THSD7A: variants seen among roughly 807,000 people sequenced by gnomAD.
The protein encoded by THSD7A is thrombospondin type-1 domain-containing protein 7A.
A neutral mutation model predicts 231.3 loss-of-function variants in THSD7A; 96 were observed. The observed-to-expected ratio is 0.41, with a 90% confidence interval of 0.35 to 0.49. The LOEUF (loss-of-function observed/expected upper bound fraction) is 0.49. THSD7A is among the 20% of genes least tolerant of loss of function. THSD7A has a pLI of 0.05. For synonymous variants in THSD7A, 940 were observed against 743.3 expected (o/e 1.26, Z -4.30); for missense variants, 2,290 against 2,070.2 (o/e 1.11, Z -2.06).
At chr7:11,448,310 A>G (rs1785040670) in intron 11 of THSD7A, among the ~76,000 whole-genome samples, 1 of 152,188 alleles carries the variant, frequency 6.6e-6, no homozygotes, top group Admixed American at 6.5e-5. Context: ...AAAGAAAAAG[A>G]GCAAGCATGT....
intron 4 of THSD7A, among the ~76,000 whole-genome samples, chr7:11,559,513 A>ATAAATCCATATATG (rs1243756045): frequency 6.7e-6 from 1 of 149,752 alleles, no homozygotes; most frequent in Non-Finnish European, 1.5e-5. Context: ...ATACATATAT[A>ATAAATCCATATATG]TAAATCCATA....
chr7:11,768,688 T>C (rs1400223165), intron 1 of THSD7A, among the ~76,000 whole-genome samples: 1 of 152,188 alleles, frequency 6.6e-6, no homozygotes, highest in African/African-American at 2.4e-5. Flanking sequence ...CCATGTGTAA[T>C]ATTTTATACC....
chr7:11,717,891 T>G (rs7812225), intron 1 of THSD7A, among the ~76,000 whole-genome samples: 3,648 of 151,764 alleles, frequency 0.024, 129 homozygotes, highest in African/African-American at 0.083. Context: ...ATATTTTTTG[T>G]AAAGGGCTTT....
At chr7:11,579,097 T>C (rs1791046412) in intron 4 of THSD7A, among the ~76,000 whole-genome samples, 2 of 152,218 alleles carry the variant, frequency 1.3e-5, no homozygotes, top group African/African-American at 4.8e-5. Flanking sequence ...GAGCATATTT[T>C]TGTGTGCAAT....
intron 6 of THSD7A, among the ~76,000 whole-genome samples, chr7:11,528,197 C>T (rs375180824): frequency 4.6e-5 from 7 of 152,024 alleles, no homozygotes; most frequent in East Asian, 1.9e-4. Context: ...GAAAACAACA[C>T]GTGGCTTCAT....
intron 6 of THSD7A, among the ~76,000 whole-genome samples, chr7:11,537,609 A>G (rs1562696487): frequency 2.0e-5 from 3 of 152,144 alleles, no homozygotes; most frequent in African/African-American, 2.4e-5. Flanking sequence ...CTGAACACCT[A>G]ACAGTGCCAT....
At chr7:11,537,664 C>T (rs779390349) in intron 6 of THSD7A, among the ~76,000 whole-genome samples, 13 of 152,190 alleles carry the variant, frequency 8.5e-5, no homozygotes, top group African/African-American at 2.4e-4. Context: ...TGCAGGACTG[C>T]GAGCCAATTA....
chr7:11,664,635 G>A (rs1289339391), intron 1 of THSD7A, among the ~76,000 whole-genome samples: 1 of 151,862 alleles, frequency 6.6e-6, no homozygotes, highest in Non-Finnish European at 1.5e-5. Context: ...TTTGCACATA[G>A]GAACATAAAA....
rs914386261 is a variant in THSD7A at position 11,411,730 on chromosome 7, G to A, written c.3683-408C>T. Among the ~76,000 whole-genome samples the A allele has an allele frequency of 3.9e-5, 6 of 152,096 alleles. No homozygotes were observed. The highest frequency in any genetic ancestry group is 1.4e-4 in the African/African-American group (6 of 41,402). ...TACTTTAACTGTGTAGTTATATTCAGATAAAACATACATTTTATTTCTTAT... is the reference window on the plus strand; with the variant it reads ...TACTTTAACTGTGTAGTTATATTCAAATAAAACATACATTTTATTTCTTAT... On this transcript the variant is annotated intron_variant, in intron 18 of 27. Coordinates refer to ENST00000423059, the MANE Select transcript of THSD7A (RefSeq NM_015204.3). This position sits in a 1 kb window ranked among gnomAD's most constrained non-coding sequence, Gnocchi z 4.1.
rs1784032343 is a variant in THSD7A, at chr7:11,793,681, GA to G, written c.190+38075del. On this transcript the variant is annotated intron_variant, in intron 1 of 27. Coordinates refer to ENST00000423059, the MANE Select transcript of THSD7A (RefSeq NM_015204.3). The stretch of plus-strand genomic sequence containing the variant: ...GAAGATACTTTTTAAAAGTCATGTG[GA>G]AATGGTATACTATATTTTTCAATTA... Among the ~76,000 whole-genome samples, 3 of 151,846 alleles carry G rather than the reference GA, an allele frequency of 2.0e-5. No individual in the cohort carries two copies. The East Asian group carries it at 5.8e-4, about 29-fold the overall frequency.
chr7:11,500,527 G>C (rs1787287602), intron 6 of THSD7A, among the ~76,000 whole-genome samples: 1 of 151,964 alleles, frequency 6.6e-6, no homozygotes, highest in Non-Finnish European at 1.5e-5. Flanking sequence ...GTGGCAAGCT[G>C]GATAAAAAAG....
chr7:11,748,980 G>A (rs1358104570), intron 1 of THSD7A, among the ~76,000 whole-genome samples: 1 of 151,908 alleles, frequency 6.6e-6, no homozygotes, highest in East Asian at 1.9e-4. Context: ...TGAGCGGGGA[G>A]GGGAGCAGCT....
chr7:11,555,387 CCTAT>C (rs760681797), intron 4 of THSD7A, among the ~76,000 whole-genome samples: 25 of 151,874 alleles, frequency 1.6e-4, no homozygotes, highest in Non-Finnish European at 1.2e-4. Context: ...AGATTTTACT[CCTAT>C]CTTTTTTGAT....
intron 7 of THSD7A, 151 bp downstream of exon 7, chr7:11,481,637 A>G (rs893349803): frequency 4.9e-5 from 34 of 698,248 alleles, no homozygotes; most frequent in Non-Finnish European, 6.8e-5. Flanking sequence ...ACAGAATCAA[A>G]TTGCTCAACA....
chr7:11,619,660 G>A (rs1781238395), intron 2 of THSD7A, among the ~76,000 whole-genome samples: 3 of 151,982 alleles, frequency 2.0e-5, no homozygotes, highest in Admixed American at 2.0e-4. Flanking sequence ...GGTGTCAAGC[G>A]ATTCTACTGC....
At chr7:11,500,636 TG>T (rs1371998895) in intron 6 of THSD7A, among the ~76,000 whole-genome samples, 1 of 150,376 alleles carries the variant, frequency 6.6e-6, no homozygotes, top group African/African-American at 2.4e-5. Context: ...ACCAAGCAAA[TG>T]GAAAAAAGAA....
intron 6 of THSD7A, among the ~76,000 whole-genome samples, chr7:11,537,466 T>C (rs1481574422): frequency 6.6e-6 from 1 of 152,144 alleles, no homozygotes; most frequent in African/African-American, 2.4e-5. Flanking sequence ...TGAGTTCTCA[T>C]GAGATCTGGT....
chr7:11,559,396 T>G (rs1404025516), intron 4 of THSD7A, among the ~76,000 whole-genome samples: 3 of 152,136 alleles, frequency 2.0e-5, no homozygotes, highest in Non-Finnish European at 4.4e-5. Context: ...ACTATGTAAG[T>G]TGGTGGAGGG....
intron 1 of THSD7A, among the ~76,000 whole-genome samples, chr7:11,787,325 G>A (rs984783211): frequency 2.6e-5 from 4 of 151,958 alleles, no homozygotes; most frequent in African/African-American, 9.7e-5. Context: ...AATAACATGG[G>A]AGAAAATCTA....
Sources: gnomAD v4.1 joint callset for allele counts (sites outside exome capture counted in the v4.1 genomes callset) on GRCh38, gnomAD v4.1.1 for gene constraint, Gnocchi (gnomAD v3.1) non-coding constraint, MANE v1.5 for transcripts, NCBI Gene and HGNC (gene_info 2026-07-23, HGNC 2026-07-21) for gene names.